The following MACROD2 variants were observed in gnomAD, a reference collection of about 807,000 sequenced individuals.
The protein encoded by MACROD2 is mono-ADP ribosylhydrolase 2, also known as ADP-ribose glycohydrolase MACROD2.
MACROD2 carries 36 observed loss-of-function variants against 70.4 expected under a neutral mutation model. The observed-to-expected ratio is 0.51, with a 90% CI of 0.39 to 0.68. The LOEUF is 0.68. Among genes scored for constraint, MACROD2 ranks in the 30% least tolerant of loss-of-function variants. The probability of loss-of-function intolerance (pLI) is 0.00; values close to 1 mark genes in which losing one functional copy is unlikely to be tolerated. For missense variants in MACROD2, 496 were observed against 538.4 expected (o/e 0.92, Z 0.78); for synonymous variants, 172 against 178.8 (o/e 0.96, Z 0.30).
chr20:15,224,957 C>CT (rs1470203590), intron 5 of MACROD2, among the ~76,000 whole-genome samples: 3 of 123,366 alleles, frequency 2.4e-5, no homozygotes, highest in Non-Finnish European at 3.5e-5. Flanking sequence ...GAGACTTTGT[C>CT]TTAAAAAAAA....
intron 4 of MACROD2, among the ~76,000 whole-genome samples, chr20:14,650,962 T>C (rs1357545042): frequency 6.6e-6 from 1 of 152,082 alleles, no homozygotes; most frequent in African/African-American, 2.4e-5. Flanking sequence ...ATATACATAA[T>C]GTGGAAACAA....
At chr20:14,463,516 T>A (rs1238689940) in intron 3 of MACROD2, among the ~76,000 whole-genome samples, 2 of 151,974 alleles carry the variant, frequency 1.3e-5, no homozygotes, top group African/African-American at 2.4e-5. Flanking sequence ...TCCTAATTGA[T>A]TGCCCTTTAT....
intron 8 of MACROD2, among the ~76,000 whole-genome samples, chr20:15,636,139 A>AATCCCC (rs373902292): frequency 0.023 from 3,396 of 147,312 alleles, 142 homozygotes; most frequent in East Asian, 0.18. Flanking sequence ...GAAAAAAAAA[A>AATCCCC]GAAATCCCCT....
chr20:15,466,410 G>A (rs907500839), intron 7 of MACROD2, among the ~76,000 whole-genome samples: 1 of 152,192 alleles, frequency 6.6e-6, no homozygotes, highest in Non-Finnish European at 1.5e-5. Context: ...TTGGTATGGG[G>A]CAAAGGCTGG....
At chr20:15,264,268 C>A (rs1271237837) in intron 6 of MACROD2, among the ~76,000 whole-genome samples, 1 of 152,104 alleles carries the variant, frequency 6.6e-6, no homozygotes, top group Non-Finnish European at 1.5e-5. Context: ...AGAATGTGGA[C>A]TGTTTTCAAG....
At chr20:15,822,026 C>T (rs1319821849) in intron 8 of MACROD2, among the ~76,000 whole-genome samples, 1 of 152,178 alleles carries the variant, frequency 6.6e-6, no homozygotes, top group Non-Finnish European at 1.5e-5. Context: ...CATTGAAATT[C>T]TGTCAAATAA....
At chr20:15,668,577 A>G (rs2049933967) in intron 8 of MACROD2, among the ~76,000 whole-genome samples, 1 of 152,182 alleles carries the variant, frequency 6.6e-6, no homozygotes. Flanking sequence ...GAAAAATAAA[A>G]TAAAAAATAA....
intron 3 of MACROD2, among the ~76,000 whole-genome samples, chr20:14,332,412 A>G (rs1798563749): frequency 6.6e-6 from 1 of 152,058 alleles, no homozygotes; most frequent in Non-Finnish European, 1.5e-5. Flanking sequence ...CTGCTACTAC[A>G]ATATTTTGGA....
chr20:15,888,424 C>T (rs1050539537), intron 10 of MACROD2, among the ~76,000 whole-genome samples: 1 of 152,130 alleles, frequency 6.6e-6, no homozygotes, highest in Admixed American at 6.5e-5. Context: ...ACTGCCCTTT[C>T]AAGCACCCGG....
At chr20:15,808,101 C>A (rs1279614857) in intron 8 of MACROD2, among the ~76,000 whole-genome samples, 1 of 152,036 alleles carries the variant, frequency 6.6e-6, no homozygotes, top group Non-Finnish European at 1.5e-5. Flanking sequence ...ACGCGGACCC[C>A]CTTAGAGTTG....
At chr20:15,952,391 A>AT (rs10637569) in intron 12 of MACROD2, among the ~76,000 whole-genome samples, 16,366 of 146,716 alleles carry the variant, frequency 0.11, 1,048 homozygotes, top group East Asian at 0.25. Flanking sequence ...ATCAGAAACC[A>AT]TTTTTTTTTT....
rs564849948 is a variant in MACROD2, at chr20:15,559,206, G to A, written c.645+59359G>A. Among the ~76,000 whole-genome samples, 701 of 122,202 alleles carry A rather than the reference G, an allele frequency of 5.7e-3. 4 individuals are homozygous for A. The highest frequency in any genetic ancestry group is 0.015 in the Admixed American group (141 of 9,404). 80.2% of individuals were successfully genotyped at this position (122,202 alleles called of 152,430 possible). A position where few individuals can be genotyped will look rare whatever the true frequency, so the allele number is the denominator to read the frequency against. On this transcript the variant is annotated intron_variant, in intron 8 of 17. Coordinates refer to ENST00000684519, the MANE Select transcript of MACROD2 (RefSeq NM_001351661.2). ...CGCGCCACTGCACTCCAGCCTGGGC[G>A]ACAGAGCGAAACTCCGTCTCAAAAA...
chr20:15,774,752 T>C (rs1355468303), intron 8 of MACROD2, among the ~76,000 whole-genome samples: 1 of 151,988 alleles, frequency 6.6e-6, no homozygotes, highest in Non-Finnish European at 1.5e-5. Flanking sequence ...AAAAAAGGAA[T>C]GAACATATTT....
At chr20:14,473,167 A>T (rs2084550051) in intron 3 of MACROD2, among the ~76,000 whole-genome samples, 1 of 152,148 alleles carries the variant, frequency 6.6e-6, no homozygotes, top group Admixed American at 6.5e-5. Context: ...AAAATCCCAT[A>T]TTCTAGCTAC....
chr20:15,517,387 C>T (rs186106752), intron 8 of MACROD2, among the ~76,000 whole-genome samples: 1 of 152,316 alleles, frequency 6.6e-6, no homozygotes, highest in African/African-American at 2.4e-5. Flanking sequence ...CAAAGTAGAC[C>T]TGCCCTCCTT....
At chr20:14,632,229 C>T (rs1039335737) in intron 4 of MACROD2, among the ~76,000 whole-genome samples, 1 of 151,756 alleles carries the variant, frequency 6.6e-6, no homozygotes, top group African/African-American at 2.4e-5. Context: ...ATAATTCTGG[C>T]AAAAATCAGT....
chr20:15,004,962 G>A (rs1354931430), intron 5 of MACROD2, among the ~76,000 whole-genome samples: 3 of 152,234 alleles, frequency 2.0e-5, no homozygotes, highest in Admixed American at 6.5e-5. Flanking sequence ...ATATTGTGGC[G>A]AGTAAGGAGG....
chr20:14,591,146 A>T (rs539432875), intron 4 of MACROD2, among the ~76,000 whole-genome samples: 1 of 152,304 alleles, frequency 6.6e-6, no homozygotes, highest in African/African-American at 2.4e-5. Flanking sequence ...TATAATGTTA[A>T]TAGTTTTCTT....
chr20:15,699,938 T>G lies in MACROD2; in HGVS notation c.646-162807T>G, dbSNP rs371535907. On this transcript the variant is annotated intron_variant, in intron 8 of 17. Coordinates refer to ENST00000684519, the MANE Select transcript of MACROD2 (RefSeq NM_001351661.2). ...AAGCCCCCAGGGCCTTTCTGCTGCT[T>G]CTTCTACCCTCCCCCACACCTTTAC... 1.4e-3 allele frequency among the ~76,000 whole-genome samples: 206 copies of G among 152,186 alleles called. 1 individual carries two copies. Among genetic ancestry groups the G allele is most frequent in the South Asian group, 0.011 (55 of 4,814 alleles).
Sources: gnomAD v4.1 joint callset for allele counts (sites outside exome capture counted in the v4.1 genomes callset) on GRCh38, gnomAD v4.1.1 for gene constraint, MANE v1.5 for transcripts, NCBI Gene and HGNC (gene_info 2026-07-23, HGNC 2026-07-21) for gene names.